Variants in SEPTIN7 observed in about 807,000 individuals in gnomAD.
SEPTIN7 encodes septin-7.
SEPTIN7 carries 10 observed loss-of-function variants against 63.3 expected under a neutral mutation model. That is an observed-to-expected ratio of 0.16 (90% CI 0.10 to 0.27). The LOEUF is 0.27. SEPTIN7 is among the 10% of genes least tolerant of loss of function. The probability of loss-of-function intolerance (pLI) is 1.00; values close to 1 mark genes in which losing one functional copy is unlikely to be tolerated. For synonymous variants in SEPTIN7, 131 were observed against 165.3 expected (o/e 0.79, Z 1.59); for missense variants, 310 against 521.0 (o/e 0.59, Z 3.94).
intron 3 of SEPTIN7, among the ~76,000 whole-genome samples, chr7:35,843,480 A>C (rs1372630948): frequency 2.6e-5 from 4 of 152,198 alleles, no homozygotes; most frequent in African/African-American, 9.7e-5. Flanking sequence ...AATTTTTAGG[A>C]AGAAATATGG....
intron 10 of SEPTIN7, among the ~76,000 whole-genome samples, chr7:35,887,820 A>T (rs1348324684): frequency 6.6e-6 from 1 of 152,262 alleles, no homozygotes; most frequent in East Asian, 1.9e-4. Flanking sequence ...AAAGATGTGT[A>T]TTTAATTTAG....
At chr7:35,880,446 A>G (rs1209730913) in intron 7 of SEPTIN7, among the ~76,000 whole-genome samples, 2 of 151,574 alleles carry the variant, frequency 1.3e-5, no homozygotes, top group African/African-American at 2.4e-5. Flanking sequence ...GTGGTAACCA[A>G]TCATTTCTTT....
At chr7:35,802,952 T>C (rs997657271) in intron 1 of SEPTIN7, among the ~76,000 whole-genome samples, 1 of 152,190 alleles carries the variant, frequency 6.6e-6, no homozygotes, top group African/African-American at 2.4e-5. Context: ...ATTTGCATGG[T>C]AGCATTGTCT....
intron 1 of SEPTIN7, among the ~76,000 whole-genome samples, chr7:35,808,325 C>T (rs1184104878): frequency 6.6e-6 from 1 of 152,120 alleles, no homozygotes; most frequent in Non-Finnish European, 1.5e-5. Flanking sequence ...AACATTTATC[C>T]TTCCTGCCCC....
In SEPTIN7 at chr7:35,855,648, A is replaced by G. The variant is rs575856500; in HGVS notation, c.170-7904A>G. Among the ~76,000 whole-genome samples the G allele has an allele frequency of 3.5e-4, 53 of 152,322 alleles. No individual in the cohort carries two copies. The Middle Eastern group carries it at 0.017, about 49-fold the overall frequency. ...CACATAGGAAGAGTTAAGGAGAGAT[A>G]TCTAAGTAGGTGGATGGATTGTGTT... On this transcript the variant is annotated intron_variant, in intron 3 of 13. Transcript: ENST00000350320.
intron 3 of SEPTIN7, among the ~76,000 whole-genome samples, chr7:35,844,173 G>A (rs1784542163): frequency 6.6e-6 from 1 of 152,100 alleles, no homozygotes; most frequent in Non-Finnish European, 1.5e-5. Flanking sequence ...TACCCTCAAA[G>A]GAATTTCCAG....
rs143535703 is a variant in SEPTIN7 at position 35,842,577 on chromosome 7, T to G, written c.169+9677T>G. ...TGAGATTTTTATCATGTCTTTATAT[T>G]CTGGAGACAGATTGCATGTTTAGAA... On this transcript the variant is annotated intron_variant, in intron 3 of 13. Transcript: ENST00000350320. 5.0e-3 allele frequency among the ~76,000 whole-genome samples: 768 copies of G among 152,302 alleles called. 11 individuals carry two copies. Among genetic ancestry groups the G allele is most frequent in the African/African-American group, 0.018 (728 of 41,562 alleles).
intron 12 of SEPTIN7, chr7:35,899,188 A>G (rs1788149257): frequency 6.6e-6 from 1 of 152,250 alleles, no homozygotes; most frequent in Non-Finnish European, 1.5e-5. Context: ...TAATCCCAAA[A>G]TAACAGTGGT....
intron 10 of SEPTIN7, among the ~76,000 whole-genome samples, chr7:35,888,117 G>C (rs1166624166): frequency 2.0e-5 from 3 of 152,084 alleles, no homozygotes; most frequent in Admixed American, 1.3e-4. Context: ...AAATCAAATG[G>C]GGAAAGAAAA....
At chr7:35,894,952 T>TTA (rs1787874326) in intron 11 of SEPTIN7, among the ~76,000 whole-genome samples, 1 of 152,224 alleles carries the variant, frequency 6.6e-6, no homozygotes, top group Non-Finnish European at 1.5e-5. Flanking sequence ...AATTTTAACC[T>TTA]TATAAAGACA....
At chr7:35,823,195 T>A in intron 1 of SEPTIN7, among the ~76,000 whole-genome samples, 1 of 152,176 alleles carries the variant, frequency 6.6e-6, no homozygotes, top group East Asian at 1.9e-4. Flanking sequence ...TAACCATAAC[T>A]TACATGTATT....
At chr7:35,855,093 T>G (rs1785140038) in intron 3 of SEPTIN7, among the ~76,000 whole-genome samples, 1 of 152,190 alleles carries the variant, frequency 6.6e-6, no homozygotes, top group South Asian at 2.1e-4. Context: ...CTTTTGGCAT[T>G]TTTTTATACT....
At chr7:35,870,611 A>G (rs1023171489) in intron 4 of SEPTIN7, among the ~76,000 whole-genome samples, 1 of 152,154 alleles carries the variant, frequency 6.6e-6, no homozygotes, top group Non-Finnish European at 1.5e-5. Context: ...AGATATTGAG[A>G]TGTTAGATTT....
chr7:35,889,171 C>A (rs924825751), intron 10 of SEPTIN7, among the ~76,000 whole-genome samples: 16 of 152,192 alleles, frequency 1.1e-4, no homozygotes, highest in African/African-American at 3.9e-4. Context: ...GTTTCCAAAG[C>A]AATTAAGTCT....
the SEPTIN7 span, among the ~76,000 whole-genome samples, chr7:35,912,917 A>G: frequency 6.6e-6 from 1 of 152,246 alleles, no homozygotes; most frequent in Non-Finnish European, 1.5e-5. Context: ...ATTCTATTGC[A>G]TGGCATTATT....
At chr7:35,842,348 G>GAA (rs35707107) in intron 3 of SEPTIN7, among the ~76,000 whole-genome samples, 110 of 143,550 alleles carry the variant, frequency 7.7e-4, no homozygotes, top group East Asian at 4.8e-3. Flanking sequence ...CTTTGTTTTT[G>GAA]AAAAAAAAAA....
chr7:35,874,745 T>C (rs1294199997), intron 6 of SEPTIN7, among the ~76,000 whole-genome samples: 5 of 152,154 alleles, frequency 3.3e-5, no homozygotes, highest in Admixed American at 6.6e-5. Flanking sequence ...TATATACTTA[T>C]ATGTTTGCAC....
chr7:35,824,962 C>T (rs1257930446), intron 1 of SEPTIN7, among the ~76,000 whole-genome samples: 6 of 152,088 alleles, frequency 3.9e-5, no homozygotes, highest in African/African-American at 1.2e-4. Flanking sequence ...AGCTACATTT[C>T]GAGTACTCAG....
chr7:35,828,307 A>G (rs914339060), intron 1 of SEPTIN7, among the ~76,000 whole-genome samples: 10 of 152,100 alleles, frequency 6.6e-5, no homozygotes, highest in African/African-American at 2.4e-4. Flanking sequence ...TCCATCCCTG[A>G]GATGATCTTG....
Sources: gnomAD v4.1 joint callset for allele counts (sites outside exome capture counted in the v4.1 genomes callset) on GRCh38, gnomAD v4.1.1 for gene constraint, MANE v1.5 for transcripts, NCBI Gene and HGNC (gene_info 2026-07-23, HGNC 2026-07-21) for gene names.